The following TET3 variants were observed in gnomAD, a reference collection of about 807,000 sequenced individuals.
TET3 encodes the protein tet methylcytosine dioxygenase 3, also known as methylcytosine dioxygenase TET3.
TET3 carries 19 observed loss-of-function variants against 141.4 expected under a neutral mutation model. The observed-to-expected ratio is 0.13, with a 90% CI of 0.09 to 0.20. The LOEUF is 0.20. Among genes scored for constraint, TET3 ranks in the 10% least tolerant of loss-of-function variants. The pLI is 1.00. For synonymous variants in TET3, 1,043 were observed against 980.9 expected (o/e 1.06, Z -1.18); for missense variants, 1,874 against 2,356.9 (o/e 0.80, Z 4.24).
intron 2 of TET3, among the ~76,000 whole-genome samples, chr2:74,001,296 T>G (rs2105133217): frequency 6.6e-6 from 1 of 152,142 alleles, no homozygotes; most frequent in East Asian, 1.9e-4. Flanking sequence ...TGTGGTGTAG[T>G]GGGTAGGAGA....
intron 6 of TET3, among the ~76,000 whole-genome samples, chr2:74,086,863 G>C (rs879795407): frequency 6.6e-6 from 1 of 151,270 alleles, no homozygotes; most frequent in Non-Finnish European, 1.5e-5. Context: ...CAGTGTACAG[G>C]TTGGTGGCAT....
At chr2:73,998,963 CAG>C (rs1408248851) in intron 2 of TET3, among the ~76,000 whole-genome samples, 9 of 152,170 alleles carry the variant, frequency 5.9e-5, no homozygotes, top group East Asian at 5.8e-4. Context: ...GCAGGACACA[CAG>C]AGAGACAGAC....
At chr2:74,121,520 G>T in the TET3 span, 1 of 152,318 alleles carries the variant, frequency 6.6e-6, no homozygotes, top group East Asian at 1.9e-4. Context: ...CTGCCAATAA[G>T]GTGCTTGATA....
chr2:74,117,686 A>G, the TET3 span, among the ~76,000 whole-genome samples: 909 of 152,352 alleles, frequency 6.0e-3, 15 homozygotes, highest in African/African-American at 0.021. Flanking sequence ...TCAAGAATGC[A>G]TAAAATACAG....
intron 4 of TET3, among the ~76,000 whole-genome samples, chr2:74,065,799 T>G (rs1346878022): frequency 1.3e-5 from 2 of 151,500 alleles, no homozygotes; most frequent in Non-Finnish European, 2.9e-5. Flanking sequence ...AGGCTCTGTC[T>G]CAAGGCTGGA....
intron 3 of TET3, among the ~76,000 whole-genome samples, chr2:74,036,897 C>T (rs762338617): frequency 2.0e-5 from 3 of 152,158 alleles, no homozygotes; most frequent in Non-Finnish European, 4.4e-5. Context: ...CTAAGTATCA[C>T]CCCAGCCACT....
intron 2 of TET3, among the ~76,000 whole-genome samples, chr2:73,996,548 C>A (rs1684602733): frequency 1.3e-5 from 2 of 152,018 alleles, no homozygotes; most frequent in South Asian, 4.2e-4. Context: ...TTGCTCTGTC[C>A]CCCAAGTTGG....
Position 74,105,438 on chromosome 2 carries a change from A to G in TET3, c.*3262A>G, listed in dbSNP as rs904705920. 2.5e-6 allele frequency: 1 copy of G among 398,450 alleles called. No individual in the cohort carries two copies. Among genetic ancestry groups the G allele is most frequent in the Non-Finnish European group, 4.4e-6 (1 of 226,084 alleles). 24.7% of individuals were successfully genotyped at this position (398,450 alleles called of 1,614,324 possible). On this transcript the variant is annotated 3_prime_UTR_variant, in exon 12 of 12. Transcript: ENST00000409262. ...TCACAAAATAACTGGTGCTAGCTCAAGAAATCATCATCTGACCATCAGAAA... is the reference window on the plus strand; with the variant it reads ...TCACAAAATAACTGGTGCTAGCTCAGGAAATCATCATCTGACCATCAGAAA...
chr2:73,994,021 T>C (rs1163162219), intron 2 of TET3, among the ~76,000 whole-genome samples: 1 of 152,082 alleles, frequency 6.6e-6, no homozygotes, highest in Non-Finnish European at 1.5e-5. Context: ...ATGATGCAGT[T>C]ATTACGTTGC....
At chr2:74,123,603 G>A in the TET3 span, among the ~76,000 whole-genome samples, 1 of 152,082 alleles carries the variant, frequency 6.6e-6, no homozygotes, top group African/African-American at 2.4e-5. Context: ...ATCTCGGCTC[G>A]CTACAACCTC....
intron 3 of TET3, among the ~76,000 whole-genome samples, chr2:74,026,321 C>G (rs1686354566): frequency 6.6e-6 from 1 of 152,172 alleles, no homozygotes; most frequent in Non-Finnish European, 1.5e-5. Flanking sequence ...AAGAGTAACA[C>G]CCTCGGTTTG....
downstream of TET3, among the ~76,000 whole-genome samples, chr2:74,111,171 C>T (rs930405622): frequency 1.3e-5 from 2 of 152,136 alleles, no homozygotes; most frequent in Non-Finnish European, 2.9e-5. Context: ...CCCTTTGTGA[C>T]CTCTTGTCCT....
At chr2:74,132,494 C>G in the TET3 span, among the ~76,000 whole-genome samples, 1 of 152,178 alleles carries the variant, frequency 6.6e-6, no homozygotes, top group African/African-American at 2.4e-5. Context: ...CTCAAGTGAT[C>G]CTGCTGCCTC....
At position 74,102,319 on chromosome 2, in the gene TET3, A is replaced by G. The variant is rs1005335379; in HGVS notation, c.*143A>G. Reference sequence around the variant, plus strand: ...ATATATAGATGCGCATATCATATATATGTATTTATGGTCCAAACCTCAGAA... The same window carrying G: ...ATATATAGATGCGCATATCATATATGTGTATTTATGGTCCAAACCTCAGAA... On this transcript the variant is annotated 3_prime_UTR_variant, in exon 12 of 12. Coordinates refer to ENST00000409262, the MANE Select transcript of TET3 (RefSeq NM_001287491.2). 9 of 1,213,506 alleles carry G rather than the reference A, an allele frequency of 7.4e-6. No homozygotes were observed. The highest frequency in any genetic ancestry group is 1.6e-5 in the African/African-American group (1 of 64,086). The allele number at this position is 1,213,506 out of a possible 1,614,324, so 75.2% of individuals were successfully genotyped here.
the TET3 span, among the ~76,000 whole-genome samples, chr2:74,117,839 G>A: frequency 0.029 from 4,348 of 152,106 alleles, 90 homozygotes; most frequent in African/African-American, 0.061. Flanking sequence ...TCTGCCTCCC[G>A]GATTCAAATG....
chr2:74,107,658 CCTGT>C lies in TET3; in HGVS notation c.*5483_*5486del, dbSNP rs1356140821. 6.6e-6 allele frequency: 1 copy of C among 152,098 alleles called. No individual in the cohort carries two copies. The highest frequency in any genetic ancestry group is 2.4e-5 in the African/African-American group (1 of 41,408). The allele number at this position is 152,098 out of a possible 1,614,324, so 9.4% of individuals were successfully genotyped here. A position where few individuals can be genotyped will look rare whatever the true frequency, so the allele number is the denominator to read the frequency against. ...AATACATTAGACTTAATCTAGAACC[CCTGT>C]AGCTTTTTGATGTGTTTTATTTCTT... On this transcript the variant is annotated 3_prime_UTR_variant, in exon 12 of 12. Transcript: ENST00000409262.
At chr2:74,075,623 C>A (rs570125288) in intron 5 of TET3, among the ~76,000 whole-genome samples, 6 of 152,266 alleles carry the variant, frequency 3.9e-5, no homozygotes, top group African/African-American at 1.4e-4. Flanking sequence ...GCCACCGTGC[C>A]TGGCAAGGAG....
chr2:74,109,335 T>C (rs1004293528), downstream of TET3, among the ~76,000 whole-genome samples: 4 of 152,254 alleles, frequency 2.6e-5, no homozygotes, highest in East Asian at 1.9e-4. Flanking sequence ...CGCATATTGG[T>C]TGCAAACATT....
intron 3 of TET3, among the ~76,000 whole-genome samples, chr2:74,042,813 G>C (rs1412549797): frequency 6.6e-6 from 1 of 152,194 alleles, no homozygotes; most frequent in Non-Finnish European, 1.5e-5. Flanking sequence ...GACAGGTGTT[G>C]AGAAAGGTAT....
Sources: allele counts gnomAD v4.1 joint callset (sites outside exome capture counted in the v4.1 genomes callset), GRCh38; gene constraint gnomAD v4.1.1; transcripts MANE v1.5; gene names NCBI Gene and HGNC (gene_info 2026-07-23, HGNC 2026-07-21).